XRCC5: variants seen among roughly 807,000 people sequenced by gnomAD.
The protein encoded by XRCC5 is X-ray repair cross complementing 5.
XRCC5 carries 12 observed loss-of-function variants against 95.7 expected under a neutral mutation model. That is an observed-to-expected ratio of 0.13 (90% CI 0.08 to 0.20). The LOEUF (loss-of-function observed/expected upper bound fraction) is 0.20, where lower values mean the gene tolerates loss of function less well. Among genes scored for constraint, XRCC5 ranks in the 10% least tolerant of loss-of-function variants. The probability of loss-of-function intolerance (pLI) is 1.00; values close to 1 mark genes in which losing one functional copy is unlikely to be tolerated. For synonymous variants in XRCC5, 281 were observed against 290.3 expected, an observed-to-expected ratio of 0.97 and a Z score of 0.33; for missense variants, 595 against 873.9, an observed-to-expected ratio of 0.68 and a Z score of 4.02.
At position 216,197,448 on chromosome 2, in the gene XRCC5, G is replaced by GAAAA. The variant is rs369842827; in HGVS notation, c.2109+2479_2109+2482dup. Among the ~76,000 whole-genome samples, 160 of 110,310 alleles carry GAAAA rather than the reference G, an allele frequency of 1.5e-3. 1 individual carries two copies. The highest frequency in any genetic ancestry group is 5.1e-3 in the African/African-American group (152 of 30,014). 72.4% of individuals were successfully genotyped at this position (110,310 alleles called of 152,430 possible). On this transcript the variant is annotated intron_variant, in intron 19 of 20. Transcript: ENST00000392132. ...CAACGAAAGCGAAACTCTGTCCCAG[G>GAAAA]AAAAAAAAAAAAAAAAAAAAGACAA...
chr2:216,195,020 T>A, intron 19 of XRCC5, 34 bp downstream of exon 19: 1 of 1,600,166 alleles, frequency 6.2e-7, no homozygotes, highest in Non-Finnish European at 8.6e-7. Flanking sequence ...TTTAGTTGAA[T>A]TATTATAGTG....
rs558530586 is a variant in XRCC5, at chr2:216,134,048, A to G, written c.1113+1661A>G. The stretch of plus-strand genomic sequence containing the variant: ...TTCAAGATGAAGAATTATTTTGTCA[A>G]CAAGGATTACTGTCCCCACTGGATT... On this transcript the variant is annotated intron_variant, in intron 10 of 20. Coordinates refer to ENST00000392132, the MANE Select transcript of XRCC5 (RefSeq NM_021141.4). Among the ~76,000 whole-genome samples the G allele has an allele frequency of 1.7e-4, 26 of 152,344 alleles. 1 individual carries two copies. The highest frequency in any genetic ancestry group is 6.8e-3 in the Middle Eastern group (2 of 294).
chr2:216,153,005 C>A (rs1191344081), intron 14 of XRCC5, among the ~76,000 whole-genome samples: 1 of 152,110 alleles, frequency 6.6e-6, no homozygotes, highest in Non-Finnish European at 1.5e-5. Flanking sequence ...AATAGTCCCC[C>A]TAGCTTCTTC....
chr2:216,159,645 C>T (rs1461748792), intron 14 of XRCC5, among the ~76,000 whole-genome samples: 1 of 152,202 alleles, frequency 6.6e-6, no homozygotes, highest in Non-Finnish European at 1.5e-5. Flanking sequence ...ACACAAAGGT[C>T]TTCTGTGTAC....
chr2:216,138,924 C>G (rs933400313), intron 12 of XRCC5, among the ~76,000 whole-genome samples: 6 of 152,148 alleles, frequency 3.9e-5, no homozygotes, highest in Non-Finnish European at 5.9e-5. Flanking sequence ...GAACTCAATT[C>G]TTTCTGTTAT....
chr2:216,175,119 A>G (rs1689248622), intron 16 of XRCC5: 3 of 340,244 alleles, frequency 8.8e-6, no homozygotes, highest in Admixed American at 3.4e-5. Context: ...ATCCTTCACC[A>G]CTATCCCCAT....
At chr2:216,170,037 CAAAAAAAAAAAA>C (rs71047982) in intron 16 of XRCC5, among the ~76,000 whole-genome samples, 8 of 53,608 alleles carry the variant, frequency 1.5e-4, no homozygotes, top group Admixed American at 3.5e-4. Context: ...GACTGTGTCT[CAAAAAAAAAAAA>C]AAAAAAAAAA....
At chr2:216,180,660 G>C (rs553442963) in intron 16 of XRCC5, among the ~76,000 whole-genome samples, 15 of 152,160 alleles carry the variant, frequency 9.9e-5, no homozygotes, top group Non-Finnish European at 1.8e-4. Flanking sequence ...GGCATAACCT[G>C]GTCCATTATG....
chr2:216,132,491 T>TG lies in XRCC5; in HGVS notation c.1113+105dup, dbSNP rs1322814704. The TG allele has an allele frequency of 4.6e-5, 54 of 1,173,838 alleles. No individual in the cohort carries two copies. The African/African-American group carries it at 7.8e-4, about 17-fold the overall frequency. The allele number at this position is 1,173,838 out of a possible 1,614,324, so 72.7% of individuals were successfully genotyped here. ...TATAGTTTAAAATGACATGAATTCT[T>TG]GCAATAGGAGTGGGGAAATCCACTG... is the stretch of plus-strand genomic sequence containing the variant. On this transcript the variant is annotated intron_variant, in intron 10 of 20. Coordinates refer to ENST00000392132, the MANE Select transcript of XRCC5 (RefSeq NM_021141.4).
chr2:216,192,809 A>G (rs1689642099), intron 18 of XRCC5, 74 bp downstream of exon 18: 1 of 989,114 alleles, frequency 1.0e-6, no homozygotes, highest in Non-Finnish European at 1.4e-6. Context: ...AAATATACAT[A>G]TAAATTCTAA....
chr2:216,166,445 G>C (rs1689055472), intron 16 of XRCC5, among the ~76,000 whole-genome samples: 2 of 152,082 alleles, frequency 1.3e-5, no homozygotes, highest in Non-Finnish European at 2.9e-5. Flanking sequence ...GACCACAGCT[G>C]TATATATAAT....
At position 216,160,098 on chromosome 2, in the gene XRCC5, A is replaced by G. The variant is rs768941776; in HGVS notation, c.1701A>G (p.Leu567=). The G allele has an allele frequency of 1.1e-5, 18 of 1,604,680 alleles. No homozygotes were observed. The East Asian group carries it at 3.6e-4, about 32-fold the overall frequency. ...NHEDGPTAKK[L]KTEQGGAHFS... is the part of the protein sequence containing the mutation. ...AAGATGGACCTACAGCTAAAAAATT[A>G]AAGACTGAGCAAGGGGGAGCCCACT... Residue 567 remains leucine, a synonymous_variant, in exon 15 of 21, where the codon TTA becomes TTG. Coordinates refer to ENST00000392132, the MANE Select transcript of XRCC5 (RefSeq NM_021141.4).
intron 10 of XRCC5, among the ~76,000 whole-genome samples, chr2:216,134,231 A>G (rs763514253): frequency 2.0e-5 from 3 of 152,208 alleles, no homozygotes; most frequent in Admixed American, 6.5e-5. Context: ...CTCTTTAAAA[A>G]GTTTTCTCTG....
chr2:216,196,229 A>C lies in XRCC5; in HGVS notation c.2109+1243A>C, dbSNP rs564049316. On this transcript the variant is annotated intron_variant, in intron 19 of 20. Transcript: ENST00000392132. ...CAAAAGATTTTTGTTAAAAAAAAAAAAAAAACTTGTCATCCCTACTTTCAG... is the reference window on the plus strand; with the variant it reads ...CAAAAGATTTTTGTTAAAAAAAAAACAAAAACTTGTCATCCCTACTTTCAG... Among the ~76,000 whole-genome samples, 485 of 152,228 alleles carry C rather than the reference A, an allele frequency of 3.2e-3. 3 individuals are homozygous for C. Among genetic ancestry groups the C allele is most frequent in the African/African-American group, 4.3e-3 (179 of 41,554 alleles).
intron 3 of XRCC5, 112 bp downstream of exon 3, chr2:216,116,954 T>C: frequency 1.6e-6 from 2 of 1,251,486 alleles, no homozygotes; most frequent in Non-Finnish European, 2.2e-6. Flanking sequence ...TGGGTATATT[T>C]TGCTCTGAGG....
intron 19 of XRCC5, among the ~76,000 whole-genome samples, chr2:216,203,504 A>G: frequency 6.6e-6 from 1 of 152,308 alleles, no homozygotes; most frequent in East Asian, 1.9e-4. Context: ...GACAGGATGG[A>G]AAAAGAGTGT....
chr2:216,161,881 T>C (rs1238594966), intron 15 of XRCC5, 98 bp from the exon 16 acceptor site: 2 of 971,868 alleles, frequency 2.1e-6, no homozygotes, highest in Non-Finnish European at 3.2e-6. Flanking sequence ...TTTTATTTTA[T>C]AAGAGCACAC....
chr2:216,203,308 G>GC (rs1267042716), intron 19 of XRCC5, among the ~76,000 whole-genome samples: 1 of 152,072 alleles, frequency 6.6e-6, no homozygotes, highest in African/African-American at 2.4e-5. Context: ...AAGTAGAAGT[G>GC]CCCCACTTTC....
At chr2:216,194,411 A>G (rs1689677992) in intron 18 of XRCC5, among the ~76,000 whole-genome samples, 1 of 152,236 alleles carries the variant, frequency 6.6e-6, no homozygotes, top group Non-Finnish European at 1.5e-5. Flanking sequence ...AGGAGAGAGA[A>G]CATGTGTACA....
Sources: gnomAD v4.1 joint callset for allele counts (sites outside exome capture counted in the v4.1 genomes callset) on GRCh38, gnomAD v4.1.1 for gene constraint, MANE v1.5 for transcripts, NCBI Gene and HGNC (gene_info 2026-07-23, HGNC 2026-07-21) for gene names.